MED13L: variants seen among roughly 807,000 people sequenced by gnomAD.
MED13L encodes mediator complex subunit 13L.
Under a neutral mutation model 220.9 loss-of-function variants are expected in MED13L, and 7 were observed. That is an observed-to-expected ratio of 0.03 (90% CI 0.02 to 0.06). The LOEUF is 0.06. Ranked by LOEUF, MED13L falls within the 10% of genes least tolerant of loss-of-function variation. The pLI is 1.00. For missense variants in MED13L, 1,965 were observed against 2,760.5 expected (o/e 0.71, Z 6.46); for synonymous variants, 1,011 against 1,015.2 (o/e 1.00, Z 0.08).
At chr12:116,077,409 G>A (rs1245814813) in intron 4 of MED13L, among the ~76,000 whole-genome samples, 1 of 152,100 alleles carries the variant, frequency 6.6e-6, no homozygotes, top group African/African-American at 2.4e-5. Context: ...AAATATATTA[G>A]GAAATTAGTA....
rs1555247737 is a variant in MED13L, at chr12:116,007,645, C to CCAA, written c.2013-10_2013-9insTTG. ...TAGGTTGTGCTAAGAGTCTAAAAGA[C>CCAA]AAAAAAAAAAAAAAAAAAAAGAGCA... On this transcript the variant is annotated splice_polypyrimidine_tract_variant and intron_variant, in intron 10 of 30. Coordinates refer to ENST00000281928, the MANE Select transcript of MED13L (RefSeq NM_015335.5). The CCAA allele has an allele frequency of 3.3e-5, 25 of 759,922 alleles. No homozygotes were observed. The East Asian group carries it at 4.8e-4, about 15-fold the overall frequency. 47.1% of individuals were successfully genotyped at this position (759,922 alleles called of 1,614,324 possible).
chr12:116,045,881 A>T (rs1040733068), intron 4 of MED13L, among the ~76,000 whole-genome samples: 1 of 151,686 alleles, frequency 6.6e-6, no homozygotes, highest in African/African-American at 2.4e-5. Flanking sequence ...TAGGTAGATA[A>T]ATATATATAT....
intron 4 of MED13L, among the ~76,000 whole-genome samples, chr12:116,066,922 ATTAAGTT>A (rs1053946918): frequency 2.6e-5 from 4 of 152,208 alleles, no homozygotes; most frequent in African/African-American, 9.6e-5. Flanking sequence ...AACTGACTCT[ATTAAGTT>A]TAACAAACAA....
intron 2 of MED13L, among the ~76,000 whole-genome samples, chr12:116,216,374 A>G (rs1882995725): frequency 6.6e-6 from 1 of 152,000 alleles, no homozygotes; most frequent in Non-Finnish European, 1.5e-5. Flanking sequence ...TCTATAGGTC[A>G]CCTCTACTCT....
chr12:115,982,997 G>C lies in MED13L; in HGVS notation c.4955+120C>G, dbSNP rs1255168453. On this transcript the variant is annotated intron_variant, in intron 21 of 30. Coordinates refer to ENST00000281928, the MANE Select transcript of MED13L (RefSeq NM_015335.5). ...GACCATTGCCCCTTTCTTTTGAGAA[G>C]AGAAATAGAGCACTTCATAGGATTC... 9.0e-6 allele frequency: 10 copies of C among 1,109,574 alleles called. No individual in the cohort carries two copies. In the South Asian group the frequency reaches 9.9e-5, roughly 11 times the overall value. The allele number at this position is 1,109,574 out of a possible 1,614,324, so 68.7% of individuals were successfully genotyped here.
At chr12:116,192,891 G>C (rs1258025346) in intron 2 of MED13L, among the ~76,000 whole-genome samples, 3 of 152,162 alleles carry the variant, frequency 2.0e-5, no homozygotes, top group Non-Finnish European at 4.4e-5. Flanking sequence ...CCAGCACTTT[G>C]GAAGGCTGAG....
intron 2 of MED13L, among the ~76,000 whole-genome samples, chr12:116,190,952 C>T (rs1881234185): frequency 6.6e-6 from 1 of 151,732 alleles, no homozygotes; most frequent in African/African-American, 2.4e-5. Context: ...ATTAGTCGGG[C>T]GTGGTGGTGC....
At chr12:115,980,237 G>GT (rs1280497842) in intron 23 of MED13L, among the ~76,000 whole-genome samples, 3 of 152,166 alleles carry the variant, frequency 2.0e-5, no homozygotes, top group African/African-American at 7.2e-5. Flanking sequence ...AAAAAAAACA[G>GT]TAAGAATTTG....
chr12:116,036,548 C>A (rs7316614), intron 4 of MED13L, among the ~76,000 whole-genome samples: 92,836 of 152,028 alleles, frequency 0.61, 29,579 homozygotes, highest in East Asian at 0.84. Context: ...AATATTAATA[C>A]ACTCCTTTTC....
At chr12:116,179,656 A>T (rs7312394) in intron 2 of MED13L, among the ~76,000 whole-genome samples, 13,729 of 151,838 alleles carry the variant, frequency 0.09, 717 homozygotes, top group East Asian at 0.22. Context: ...GTGTCAGATA[A>T]TGGGGACATT....
At chr12:116,111,127 C>T (rs2137897821) in intron 3 of MED13L, among the ~76,000 whole-genome samples, 1 of 152,086 alleles carries the variant, frequency 6.6e-6, no homozygotes. Context: ...ACACCAAATA[C>T]TTAAGGGTAA....
intron 2 of MED13L, among the ~76,000 whole-genome samples, chr12:116,229,698 G>A (rs921229680): frequency 6.6e-6 from 1 of 152,098 alleles, no homozygotes; most frequent in Non-Finnish European, 1.5e-5. Flanking sequence ...AAAGAACTGA[G>A]ATTATGATCT....
In MED13L at chr12:115,996,431, A is replaced by G. The variant is rs186649656; in HGVS notation, c.2996+45T>C. On this transcript the variant is annotated intron_variant, in intron 16 of 30. Coordinates refer to ENST00000281928, the MANE Select transcript of MED13L (RefSeq NM_015335.5). ...TAACAAACATTTAGTTAAGATAAAA[A>G]TTGCATCAAATATGGCAAGTAAATG... 1.4e-5 allele frequency: 22 copies of G among 1,579,938 alleles called. No homozygotes were observed. In the East Asian group the frequency reaches 4.5e-4, roughly 32 times the overall value.
intron 25 of MED13L, 150 bp downstream of exon 25, chr12:115,975,021 A>C (rs868168112): frequency 1.2e-6 from 1 of 823,386 alleles, no homozygotes; most frequent in Non-Finnish European, 1.9e-6. Context: ...AGAGTTTAAA[A>C]CTGGTTTATC....
chr12:116,070,480 CAG>C (rs1555256579), intron 4 of MED13L, among the ~76,000 whole-genome samples: 1 of 152,094 alleles, frequency 6.6e-6, no homozygotes, highest in Non-Finnish European at 1.5e-5. Flanking sequence ...TGAACTAAAA[CAG>C]AGAGGTTAAA....
At chr12:116,122,441 T>C (rs981723445) in intron 2 of MED13L, among the ~76,000 whole-genome samples, 2 of 152,200 alleles carry the variant, frequency 1.3e-5, no homozygotes, top group African/African-American at 4.8e-5. Context: ...AATGGACTTA[T>C]TACTTATATC....
At position 116,131,982 on chromosome 12, in the gene MED13L, C is replaced by CA. The variant is rs1210278245; in HGVS notation, c.311-20471dup. Among the ~76,000 whole-genome samples the CA allele has an allele frequency of 4.5e-4, 67 of 148,000 alleles. 1 individual carries two copies. In the South Asian group the frequency reaches 0.015, roughly 34 times the overall value. Reference sequence around the variant, plus strand: ...TGGGTGGCAGAGCGCAACTCCATCTCAAAAAAAAGAAAAACGCCAGGTGCG... The same window carrying CA: ...TGGGTGGCAGAGCGCAACTCCATCTCAAAAAAAAAGAAAAACGCCAGGTGCG... On this transcript the variant is annotated intron_variant, in intron 2 of 30. Transcript: ENST00000281928.
At chr12:115,982,889 T>G (rs1452343447) in intron 21 of MED13L, among the ~76,000 whole-genome samples, 2 of 152,212 alleles carry the variant, frequency 1.3e-5, no homozygotes, top group East Asian at 3.9e-4. Flanking sequence ...ATTAAGTTGA[T>G]AGTAAGTAAG....
chr12:116,206,188 C>A (rs1220654035), intron 2 of MED13L, among the ~76,000 whole-genome samples: 2 of 142,060 alleles, frequency 1.4e-5, no homozygotes, highest in Non-Finnish European at 3.0e-5. Context: ...TCAAGCAGTT[C>A]TCCTGCCTCA....
Sources: gnomAD v4.1 joint callset for allele counts (sites outside exome capture counted in the v4.1 genomes callset) on GRCh38, gnomAD v4.1.1 for gene constraint, MANE v1.5 for transcripts, NCBI Gene and HGNC (gene_info 2026-07-23, HGNC 2026-07-21) for gene names.